The following ARID1B variants were observed in gnomAD, a reference collection of about 807,000 sequenced individuals.
ARID1B encodes AT-rich interactive domain-containing protein 1B.
A neutral mutation model predicts 212.3 loss-of-function variants in ARID1B; 30 were observed. That is an observed-to-expected ratio of 0.14 (90% CI 0.11 to 0.19). The LOEUF is 0.19. Among genes scored for constraint, ARID1B ranks in the 10% least tolerant of loss-of-function variants. The pLI, the probability that ARID1B is intolerant of heterozygous loss-of-function variation, is 1.00. For synonymous variants in ARID1B, 1,402 were observed against 1,301.7 expected (o/e 1.08, Z -1.66); for missense variants, 2,891 against 3,204.0 (o/e 0.90, Z 2.36).
intron 8 of ARID1B, among the ~76,000 whole-genome samples, chr6:157,164,942 G>A (rs1331644066): frequency 1.3e-5 from 2 of 152,204 alleles, no homozygotes; most frequent in Non-Finnish European, 2.9e-5. Flanking sequence ...GTCCACAAGT[G>A]AAGATGCTCT....
At position 157,018,846 on chromosome 6, in the gene ARID1B, A is replaced by G. The variant is rs573746978; in HGVS notation, c.2248-65816A>G. ...ATTATATATACAACAGTAAAATTCT[A>G]TCAGTCCAGTGCAGTAGTACATAAA... On this transcript the variant is annotated intron_variant, in intron 4 of 19. Transcript: ENST00000636930. Among the ~76,000 whole-genome samples the G allele has an allele frequency of 2.8e-4, 42 of 152,352 alleles. No homozygotes were observed. The East Asian group carries it at 8.1e-3, about 29-fold the overall frequency.
intron 4 of ARID1B, among the ~76,000 whole-genome samples, chr6:156,977,279 C>T (rs1777311536): frequency 6.9e-6 from 1 of 144,074 alleles, no homozygotes; most frequent in South Asian, 2.1e-4. Context: ...TTTATCCTGT[C>T]TCCTCTTTTT....
intron 4 of ARID1B, among the ~76,000 whole-genome samples, chr6:156,999,785 G>A (rs573048955): frequency 1.3e-5 from 2 of 152,274 alleles, no homozygotes; most frequent in Admixed American, 6.5e-5. Flanking sequence ...TCCACTGTTC[G>A]GCTTCCCAAA....
At chr6:157,030,739 C>T (rs1359823765) in intron 4 of ARID1B, among the ~76,000 whole-genome samples, 2 of 152,218 alleles carry the variant, frequency 1.3e-5, no homozygotes, top group Non-Finnish European at 2.9e-5. Flanking sequence ...GTTAACATCA[C>T]ACCGCCTTGA....
At chr6:157,169,891 A>G (rs1213634921) in intron 9 of ARID1B, 3 of 152,200 alleles carry the variant, frequency 2.0e-5, no homozygotes, top group Non-Finnish European at 4.4e-5. Context: ...CCCTGGGCAC[A>G]TTCCAGAAGT....
At position 157,026,763 on chromosome 6, in the gene ARID1B, A is replaced by G. The variant is rs141669648; in HGVS notation, c.2248-57899A>G. On this transcript the variant is annotated intron_variant, in intron 4 of 19. Coordinates refer to ENST00000636930, the MANE Select transcript of ARID1B (RefSeq NM_001374828.1). ...AATCCTGAGCTCGAGCAATTGTCCT[A>G]CCTCGGTCTCTTTATTAGCCAGGAT... is the stretch of plus-strand genomic sequence containing the variant. Among the ~76,000 whole-genome samples, 398 of 152,010 alleles carry G rather than the reference A, an allele frequency of 2.6e-3. 1 individual carries two copies. The highest frequency in any genetic ancestry group is 9.2e-3 in the African/African-American group (380 of 41,442).
At chr6:156,847,938 T>G (rs1223275986) in intron 2 of ARID1B, among the ~76,000 whole-genome samples, 1 of 152,158 alleles carries the variant, frequency 6.6e-6, no homozygotes, top group Non-Finnish European at 1.5e-5. Context: ...GTGTTGTAAT[T>G]GAGACCCCAC....
intron 2 of ARID1B, among the ~76,000 whole-genome samples, chr6:156,857,930 G>A (rs560958431): frequency 1.1e-4 from 17 of 152,194 alleles, no homozygotes; most frequent in Non-Finnish European, 2.5e-4. Context: ...GTGTTTGTGC[G>A]TCAACATATT....
chr6:157,079,164 G>A (rs1242301723), intron 4 of ARID1B, among the ~76,000 whole-genome samples: 1 of 152,132 alleles, frequency 6.6e-6, no homozygotes, highest in African/African-American at 2.4e-5. Context: ...ATGCTCTTAA[G>A]GCCTAACAAT....
At chr6:157,141,900 G>T (rs1789381477) in intron 7 of ARID1B, among the ~76,000 whole-genome samples, 1 of 152,184 alleles carries the variant, frequency 6.6e-6, no homozygotes, top group South Asian at 2.1e-4. Context: ...CATACAGCCA[G>T]CAATCTAATT....
chr6:156,916,801 T>C (rs1181880415), intron 3 of ARID1B, among the ~76,000 whole-genome samples: 8 of 152,176 alleles, frequency 5.3e-5, no homozygotes, highest in African/African-American at 1.7e-4. Context: ...TCTCCTAAGA[T>C]ACTGGAAGAG....
intron 11 of ARID1B, among the ~76,000 whole-genome samples, chr6:157,179,535 G>T (rs1792360809): frequency 6.6e-6 from 1 of 152,080 alleles, no homozygotes; most frequent in African/African-American, 2.4e-5. Flanking sequence ...ATCTAAAGTG[G>T]TTTTTAAGTG....
chr6:157,012,955 C>T (rs1251726196), intron 4 of ARID1B, among the ~76,000 whole-genome samples: 2 of 152,224 alleles, frequency 1.3e-5, no homozygotes, highest in Non-Finnish European at 2.9e-5. Context: ...TCTCGGCTCA[C>T]CGCAACCTCT....
chr6:156,800,716 G>A (rs1375823680), intron 1 of ARID1B, among the ~76,000 whole-genome samples: 3 of 151,986 alleles, frequency 2.0e-5, no homozygotes, highest in Non-Finnish European at 4.4e-5. Flanking sequence ...AGACCAGCTT[G>A]GGCAACATAG....
At chr6:157,085,536 A>G (rs907062820) in intron 5 of ARID1B, among the ~76,000 whole-genome samples, 3 of 151,928 alleles carry the variant, frequency 2.0e-5, no homozygotes, top group African/African-American at 7.3e-5. Flanking sequence ...TTGGTTATTT[A>G]TTTGTCAGTT....
intron 5 of ARID1B, among the ~76,000 whole-genome samples, chr6:157,089,113 CT>C (rs1436124861): frequency 6.6e-6 from 1 of 152,086 alleles, no homozygotes; most frequent in Non-Finnish European, 1.5e-5. Context: ...AAATGTGCAG[CT>C]GTTATGTAGC....
At chr6:156,866,259 C>T (rs891157632) in intron 2 of ARID1B, among the ~76,000 whole-genome samples, 4 of 152,140 alleles carry the variant, frequency 2.6e-5, no homozygotes, top group Admixed American at 2.0e-4. Context: ...TGCTCTTCTA[C>T]GAGGAGGAAA....
chr6:157,207,173 AGTG>A lies in ARID1B; in HGVS notation c.6409_6411del (p.Trp2137del). On this transcript the variant is annotated inframe_deletion, in exon 20 of 20. Transcript: ENST00000636930. The surrounding 1 kb of genome is among the most constrained non-coding windows in gnomAD (Gnocchi z 8.5). ...AAGGGGGTGGCCTGCAGCAAAGATGAGTGGTGGTGGGACTGCCTCGAGGTCTTG... is the reference window on the plus strand; with the variant it reads ...AAGGGGGTGGCCTGCAGCAAAGATGAGTGGTGGGACTGCCTCGAGGTCTTG... 1 of 1,614,092 alleles carries A rather than the reference AGTG, an allele frequency of 6.2e-7. No individual in the cohort carries two copies. The highest frequency in any genetic ancestry group is 8.5e-7 in the Non-Finnish European group (1 of 1,179,998).
At chr6:156,862,829 C>T (rs1035898677) in intron 2 of ARID1B, among the ~76,000 whole-genome samples, 1 of 152,212 alleles carries the variant, frequency 6.6e-6, no homozygotes, top group African/African-American at 2.4e-5. Context: ...GTCTAGATCA[C>T]TCTTCCTGCT....
Sources: gnomAD v4.1 joint callset for allele counts (sites outside exome capture counted in the v4.1 genomes callset) on GRCh38, gnomAD v4.1.1 for gene constraint, Gnocchi (gnomAD v3.1) non-coding constraint, MANE v1.5 for transcripts, NCBI Gene and HGNC (gene_info 2026-07-23, HGNC 2026-07-21) for gene names.